The following SREK1 variants were observed in gnomAD, a reference collection of about 807,000 sequenced individuals.
SREK1 encodes splicing regulatory glutamic acid and lysine rich protein 1.
In SREK1, 13 loss-of-function variants were observed where a neutral mutation model predicts 66.5. That is an observed-to-expected ratio of 0.20 (90% CI 0.13 to 0.31). The LOEUF (loss-of-function observed/expected upper bound fraction) is 0.31. Ranked by LOEUF, SREK1 falls within the 10% of genes least tolerant of loss-of-function variation. SREK1 has a pLI of 1.00. For synonymous variants in SREK1, 265 were observed against 263.5 expected, an observed-to-expected ratio of 1.01 and a Z score of -0.05; for missense variants, 607 against 769.6, an observed-to-expected ratio of 0.79 and a Z score of 2.50.
intron 1 of SREK1, among the ~76,000 whole-genome samples, chr5:66,151,058 C>G (rs1411384699): frequency 6.6e-6 from 1 of 152,090 alleles, no homozygotes; most frequent in Non-Finnish European, 1.5e-5. Flanking sequence ...CTAGACTGGT[C>G]TCAAACTCCT....
At chr5:66,167,987 C>T (rs752960070) in intron 7 of SREK1, 13 of 152,042 alleles carry the variant, frequency 8.6e-5, no homozygotes, top group Non-Finnish European at 1.8e-4. Context: ...TTTCATGGCT[C>T]TTAAGTACTA....
chr5:66,173,449 TATTA>T (rs1458724278), intron 9 of SREK1, among the ~76,000 whole-genome samples: 2 of 152,208 alleles, frequency 1.3e-5, no homozygotes, highest in African/African-American at 2.4e-5. Flanking sequence ...AAACTTGAAT[TATTA>T]ATTGTCTTTA....
At chr5:66,153,421 C>T (rs750140401) in intron 1 of SREK1, 42 bp from the exon 2 acceptor site, 1 of 1,581,380 alleles carries the variant, frequency 6.3e-7, no homozygotes, top group Admixed American at 1.9e-5. Context: ...TAAAACCAAG[C>T]AAATGTTTAT....
intron 3 of SREK1, 59 bp from the exon 4 acceptor site, chr5:66,162,050 T>A (rs762066920): frequency 2.6e-6 from 4 of 1,552,198 alleles, no homozygotes; most frequent in Non-Finnish European, 3.5e-6. Flanking sequence ...TAGAGAATGG[T>A]ATCTTTGGAT....
At chr5:66,144,580 A>G (rs886636845) in intron 1 of SREK1, 43 bp downstream of exon 1, 11 of 1,526,770 alleles carry the variant, frequency 7.2e-6, no homozygotes, top group Non-Finnish European at 9.7e-6. Context: ...CGGGCGCCAT[A>G]GAGACCTCGG....
In SREK1 at chr5:66,183,512, T is replaced by G. The variant is rs1746665779; in HGVS notation, c.*4644T>G. On this transcript the variant is annotated 3_prime_UTR_variant, in exon 12 of 12. Transcript: ENST00000334121. Reference sequence around the variant, plus strand: ...ATAAACATGCTGCATAGGTGGTGGTTATTTGTGAGTAGGACTACTTTTAAA... The same window carrying G: ...ATAAACATGCTGCATAGGTGGTGGTGATTTGTGAGTAGGACTACTTTTAAA... 6.6e-6 allele frequency: 1 copy of G among 152,186 alleles called. No individual in the cohort carries two copies. Among genetic ancestry groups the G allele is most frequent in the African/African-American group, 2.4e-5 (1 of 41,454 alleles). The allele number at this position is 152,186 out of a possible 1,614,324, so 9.4% of individuals were successfully genotyped here.
intron 1 of SREK1, chr5:66,145,105 C>A (rs965832953): frequency 5.1e-6 from 5 of 985,712 alleles, no homozygotes; most frequent in Non-Finnish European, 3.6e-6. Flanking sequence ...TCCCAAAGAT[C>A]ATGTCTGTTA....
In SREK1 at chr5:66,177,494, A is replaced by G. The variant is rs1481744597; in HGVS notation, c.1581-20A>G. The G allele has an allele frequency of 3.9e-5, 60 of 1,533,662 alleles. No individual in the cohort carries two copies. Among genetic ancestry groups the G allele is most frequent in the Non-Finnish European group, 5.0e-5 (57 of 1,136,008 alleles). On this transcript the variant is annotated intron_variant, in intron 10 of 11. Transcript: ENST00000334121. ...CTTACAATTTCTTAGAATTTAACTGACATATCAATATTCTTATAGCAGAAA... is the reference window on the plus strand; with the variant it reads ...CTTACAATTTCTTAGAATTTAACTGGCATATCAATATTCTTATAGCAGAAA...
chr5:66,153,341 CA>C (rs1352166582), intron 1 of SREK1, 121 bp from the exon 2 acceptor site: 12 of 1,285,774 alleles, frequency 9.3e-6, no homozygotes, highest in Non-Finnish European at 1.1e-5. Flanking sequence ...TCCTTAATAA[CA>C]AAAAGTTTTA....
intron 6 of SREK1, 60 bp from the exon 7 acceptor site, chr5:66,164,723 T>G: frequency 6.2e-7 from 1 of 1,612,836 alleles, no homozygotes; most frequent in Non-Finnish European, 8.5e-7. Flanking sequence ...TGTGCCTGAT[T>G]ATTAACTGGG....
chr5:66,160,136 A>G (rs184296283), intron 3 of SREK1, among the ~76,000 whole-genome samples: 77 of 152,338 alleles, frequency 5.1e-4, no homozygotes, highest in Middle Eastern at 6.8e-3. Flanking sequence ...AAAAAAAAAA[A>G]AAGGGTATAT....
chr5:66,148,022 T>A (rs1480164746), intron 1 of SREK1, among the ~76,000 whole-genome samples: 2 of 152,066 alleles, frequency 1.3e-5, no homozygotes, highest in South Asian at 4.2e-4. Flanking sequence ...ATATTTTGAT[T>A]GCTTTTTTTG....
Position 66,144,423 on chromosome 5 carries a change from C to A in SREK1, c.47C>A (p.Thr16Asn), listed in dbSNP as rs201205648. 1.3e-6 allele frequency: 2 copies of A among 1,551,554 alleles called. No individual in the cohort carries two copies. The highest frequency in any genetic ancestry group is 2.4e-5 in the South Asian group (2 of 84,060). The change falls in exon 1 of 12, where the codon ACC becomes AAC. Residue 16 changes from threonine to asparagine, a missense_variant. Physicochemically the swap from Thr to Asn is moderately conservative, Grantham distance 65 (BLOSUM62 0). Around this residue, in one of 5 missense-constraint regions of SREK1, gnomAD observed 75 missense variants for 72.9 expected, o/e 1.03. Transcript: ENST00000334121. Reference sequence around the variant, plus strand: ...GGTTTGGGCTTAGGCTTCGGCCTCACCCCCACGTCGGTGATTCAGGTGACG... The same window carrying A: ...GGTTTGGGCTTAGGCTTCGGCCTCAACCCCACGTCGGTGATTCAGGTGACG... Reference protein sequence around the residue: ...GFGLGLGFGLTPTSVIQVTNL... With the variant: ...GFGLGLGFGLNPTSVIQVTNL...
At chr5:66,167,218 T>C (rs776297680) in intron 7 of SREK1, 1 of 152,228 alleles carries the variant, frequency 6.6e-6, no homozygotes, top group Non-Finnish European at 1.5e-5. Flanking sequence ...GGAAGGGGTT[T>C]CTTGTCACTG....
chr5:66,160,410 T>C (rs2112013652), intron 3 of SREK1, among the ~76,000 whole-genome samples: 1 of 152,330 alleles, frequency 6.6e-6, no homozygotes, highest in East Asian at 1.9e-4. Context: ...ATAACATTGC[T>C]ATGCTGAAGA....
intron 2 of SREK1, among the ~76,000 whole-genome samples, chr5:66,155,229 T>TA (rs1189991256): frequency 1.3e-5 from 2 of 152,252 alleles, no homozygotes; most frequent in African/African-American, 4.8e-5. Context: ...ATGTACCTTT[T>TA]TAGTGTTTTT....
Position 66,144,614 on chromosome 5 carries a change from C to G in SREK1, c.161+77C>G, listed in dbSNP as rs548378530. 1.1e-5 allele frequency: 16 copies of G among 1,469,670 alleles called. No homozygotes were observed. The African/African-American group carries it at 2.3e-4, about 21-fold the overall frequency. The allele number at this position is 1,469,670 out of a possible 1,614,324, so 91.0% of individuals were successfully genotyped here. A position where few individuals can be genotyped will look rare whatever the true frequency, so the allele number is the denominator to read the frequency against. On this transcript the variant is annotated intron_variant, in intron 1 of 11. Transcript: ENST00000334121. ...GGGAGCCGAGGCGTGGAGGAGAGCGCGGACGCGGGCGCGCGGTGCATGTCA... is the reference window on the plus strand; with the variant it reads ...GGGAGCCGAGGCGTGGAGGAGAGCGGGGACGCGGGCGCGCGGTGCATGTCA...
At chr5:66,149,086 G>T (rs1370083170) in intron 1 of SREK1, among the ~76,000 whole-genome samples, 1 of 152,228 alleles carries the variant, frequency 6.6e-6, no homozygotes, top group African/African-American at 2.4e-5. Context: ...GGGTGCAGTG[G>T]CCCACGCCTG....
At chr5:66,157,589 G>A (rs1054164756) in intron 2 of SREK1, 10 of 966,632 alleles carry the variant, frequency 1.0e-5, no homozygotes, top group African/African-American at 3.5e-5. Context: ...ATAAATACAT[G>A]TGTTAATACC....
Sources: allele counts gnomAD v4.1 joint callset (sites outside exome capture counted in the v4.1 genomes callset), GRCh38; gene constraint gnomAD v4.1.1; regional missense constraint gnomAD v4.1.1; transcripts MANE v1.5; gene names NCBI Gene and HGNC (gene_info 2026-07-23, HGNC 2026-07-21).